The following CSMD3 variants were observed in gnomAD, a reference collection of about 807,000 sequenced individuals.
The protein encoded by CSMD3 is CUB and sushi domain-containing protein 3.
In CSMD3, 177 loss-of-function variants were observed where a neutral mutation model predicts 435.2. That is an observed-to-expected ratio of 0.41 (90% CI 0.36 to 0.46). The LOEUF (loss-of-function observed/expected upper bound fraction) is 0.46, where lower values mean the gene tolerates loss of function less well. Ranked by LOEUF, CSMD3 falls within the 20% of genes least tolerant of loss-of-function variation. CSMD3 has a pLI of 0.34. For missense variants in CSMD3, 4,265 were observed against 4,504.6 expected (o/e 0.95, Z 1.52); for synonymous variants, 1,656 against 1,520.5 (o/e 1.09, Z -2.07).
chr8:113,017,226 T>C (rs988324478), intron 6 of CSMD3, among the ~76,000 whole-genome samples: 2 of 151,982 alleles, frequency 1.3e-5, no homozygotes, highest in Admixed American at 6.6e-5. Context: ...AAACGCATAA[T>C]GCTTGAAAAC....
At chr8:112,409,235 G>A (rs1832124198) in intron 32 of CSMD3, among the ~76,000 whole-genome samples, 1 of 152,000 alleles carries the variant, frequency 6.6e-6, no homozygotes, top group African/African-American at 2.4e-5. Flanking sequence ...AAGTGACCAT[G>A]ACCTAAAGCA....
intron 10 of CSMD3, among the ~76,000 whole-genome samples, chr8:112,917,435 G>A (rs1016181805): frequency 3.3e-5 from 5 of 151,844 alleles, no homozygotes; most frequent in Non-Finnish European, 7.4e-5. Flanking sequence ...GAACAGGCTA[G>A]ACATATATGA....
intron 1 of CSMD3, among the ~76,000 whole-genome samples, chr8:113,427,120 G>T (rs2094640241): frequency 6.6e-6 from 1 of 151,154 alleles, no homozygotes; most frequent in Non-Finnish European, 1.5e-5. Flanking sequence ...GTAGAAAAAG[G>T]CTAGTTTATA....
At chr8:113,183,800 G>A (rs2092458592) in intron 3 of CSMD3, among the ~76,000 whole-genome samples, 8 of 151,938 alleles carry the variant, frequency 5.3e-5, no homozygotes, top group Admixed American at 5.3e-4. Flanking sequence ...AGGGTAATGG[G>A]TTCTTGTGTG....
At chr8:112,688,505 A>G (rs1466541286) in intron 14 of CSMD3, among the ~76,000 whole-genome samples, 1 of 152,146 alleles carries the variant, frequency 6.6e-6, no homozygotes, top group African/African-American at 2.4e-5. Context: ...CTAAAATTGC[A>G]AAGCAATTTC....
At chr8:112,462,708 G>T (rs946669701) in intron 32 of CSMD3, among the ~76,000 whole-genome samples, 1 of 152,084 alleles carries the variant, frequency 6.6e-6, no homozygotes, top group Non-Finnish European at 1.5e-5. Flanking sequence ...ATAAATTACA[G>T]CTTATATTAA....
intron 4 of CSMD3, among the ~76,000 whole-genome samples, chr8:113,161,397 G>A (rs1452990170): frequency 1.3e-5 from 2 of 152,042 alleles, no homozygotes; most frequent in Non-Finnish European, 2.9e-5. Context: ...ATACAAGAAA[G>A]GATGAAAATC....
chr8:113,070,789 A>G (rs1368663863), intron 5 of CSMD3, among the ~76,000 whole-genome samples: 1 of 152,172 alleles, frequency 6.6e-6, no homozygotes, highest in South Asian at 2.1e-4. Flanking sequence ...ACAAGGGAGT[A>G]TAGGTATCTC....
At chr8:112,864,708 G>A (rs577159331) in intron 10 of CSMD3, among the ~76,000 whole-genome samples, 1 of 152,116 alleles carries the variant, frequency 6.6e-6, no homozygotes, top group East Asian at 1.9e-4. Flanking sequence ...AAACAATGAA[G>A]GGGCATTAAA....
At chr8:112,634,995 A>C (rs376937783) in intron 22 of CSMD3, among the ~76,000 whole-genome samples, 2 of 152,036 alleles carry the variant, frequency 1.3e-5, no homozygotes, top group African/African-American at 4.8e-5. Flanking sequence ...AAAATGGAAG[A>C]GATAATAATA....
At chr8:112,285,875 C>T (rs1022678447) in intron 58 of CSMD3, among the ~76,000 whole-genome samples, 1 of 151,966 alleles carries the variant, frequency 6.6e-6, no homozygotes, top group African/African-American at 2.4e-5. Flanking sequence ...TATGCCACCA[C>T]ACCTGGCTAA....
At chr8:113,087,278 T>C (rs7826174) in intron 5 of CSMD3, among the ~76,000 whole-genome samples, 101,396 of 151,142 alleles carry the variant, frequency 0.67, 35,608 homozygotes, top group East Asian at 0.95. Context: ...AATGGCCATA[T>C]TGCCCAAGGT....
intron 24 of CSMD3, among the ~76,000 whole-genome samples, chr8:112,559,003 G>C (rs986890129): frequency 6.6e-6 from 1 of 151,328 alleles, no homozygotes; most frequent in African/African-American, 2.4e-5. Flanking sequence ...ATTCTCACAG[G>C]AAAAAAAATA....
intron 13 of CSMD3, among the ~76,000 whole-genome samples, chr8:112,753,017 C>T (rs775292611): frequency 6.6e-6 from 1 of 151,710 alleles, no homozygotes; most frequent in Admixed American, 6.6e-5. Flanking sequence ...CCTTGAACTT[C>T]TGGGCTCAAA....
At chr8:112,806,602 CT>C (rs1011360072) in intron 12 of CSMD3, among the ~76,000 whole-genome samples, 14 of 152,250 alleles carry the variant, frequency 9.2e-5, no homozygotes, top group African/African-American at 3.4e-4. Context: ...TCATGTTACT[CT>C]TTTACCAGAT....
intron 13 of CSMD3, among the ~76,000 whole-genome samples, chr8:112,755,673 C>T (rs534385608): frequency 6.6e-6 from 1 of 151,196 alleles, no homozygotes; most frequent in South Asian, 2.1e-4. Context: ...ATCACAATTC[C>T]TCTGATATCC....
At chr8:112,746,360 T>C (rs1035114101) in intron 13 of CSMD3, among the ~76,000 whole-genome samples, 12 of 152,148 alleles carry the variant, frequency 7.9e-5, no homozygotes, top group Non-Finnish European at 1.3e-4. Flanking sequence ...GTGAGTGGTG[T>C]GTCTTTGCTC....
intron 3 of CSMD3, among the ~76,000 whole-genome samples, chr8:113,273,324 G>T (rs1421129449): frequency 1.3e-5 from 2 of 151,686 alleles, no homozygotes; most frequent in Admixed American, 6.6e-5. Flanking sequence ...AAAATTAGCA[G>T]GATTATGTAC....
At chr8:112,348,203 A>G (rs1342048641) in intron 40 of CSMD3, among the ~76,000 whole-genome samples, 1 of 152,212 alleles carries the variant, frequency 6.6e-6, no homozygotes, top group African/African-American at 2.4e-5. Context: ...CAACACTCCT[A>G]TGCCTTGAAT....
Sources: gnomAD v4.1 joint callset for allele counts (sites outside exome capture counted in the v4.1 genomes callset) on GRCh38, gnomAD v4.1.1 for gene constraint, MANE v1.5 for transcripts, NCBI Gene and HGNC (gene_info 2026-07-23, HGNC 2026-07-21) for gene names.